The following NLRP14 variants were observed in gnomAD, a reference collection of about 807,000 sequenced individuals.
NLRP14 encodes NACHT, LRR and PYD domains-containing protein 14.
NLRP14 carries 105 observed loss-of-function variants against 94.7 expected under a neutral mutation model. The ratio of observed to expected loss-of-function variants is 1.11; its 90% CI spans 0.95 to 1.30. The LOEUF is 1.30. Among genes scored for constraint, NLRP14 ranks in the 50% most tolerant of loss-of-function variants. The probability of loss-of-function intolerance (pLI) is 0.00; values close to 1 mark genes in which losing one functional copy is unlikely to be tolerated. For missense variants in NLRP14, 1,362 were observed against 1,254.1 expected (o/e 1.09, Z -1.30); for synonymous variants, 508 against 459.9 (o/e 1.10, Z -1.34).
At chr11:7,065,021 A>G (rs557159661) in intron 10 of NLRP14, among the ~76,000 whole-genome samples, 1 of 152,044 alleles carries the variant, frequency 6.6e-6, no homozygotes. Context: ...GATACGCACT[A>G]CAGCAATTCT....
At chr11:7,074,042 C>A (rs1206482080), downstream of NLRP14, among the ~76,000 whole-genome samples, 1 of 152,134 alleles carries the variant, frequency 6.6e-6, no homozygotes, top group Non-Finnish European at 1.5e-5. Flanking sequence ...CTGAAACTAT[C>A]CAGGAGCCTC....
intron 11 of NLRP14, 51 bp from the exon 12 acceptor site, chr11:7,071,122 G>A: frequency 6.2e-7 from 1 of 1,605,322 alleles, no homozygotes; most frequent in East Asian, 2.2e-5. Context: ...GAAAGTGGAG[G>A]GCTGTAGGGA....
chr11:7,022,964 C>G (rs1851966987), intron 1 of NLRP14, among the ~76,000 whole-genome samples: 2 of 151,736 alleles, frequency 1.3e-5, no homozygotes, highest in Admixed American at 1.3e-4. Flanking sequence ...ATTATAAGGA[C>G]AGAAAGAAAG....
At chr11:7,050,547 G>A (rs1187084948) in intron 6 of NLRP14, among the ~76,000 whole-genome samples, 2 of 152,188 alleles carry the variant, frequency 1.3e-5, no homozygotes, top group African/African-American at 2.4e-5. Flanking sequence ...TGCATTAGAA[G>A]TTTTTATAAG....
intron 4 of NLRP14, among the ~76,000 whole-genome samples, chr11:7,044,194 CT>C (rs903489579): frequency 6.6e-6 from 1 of 152,014 alleles, no homozygotes; most frequent in South Asian, 2.1e-4. Context: ...CCTGAGATGG[CT>C]TTTTTTGGCC....
chr11:7,042,764 A>C lies in NLRP14; in HGVS notation c.738A>C (p.Glu246Asp). 6.2e-7 allele frequency: 1 copy of C among 1,614,218 alleles called. No homozygotes were observed. The highest frequency in any genetic ancestry group is 1.1e-5 in the South Asian group (1 of 91,086). Residue 246 changes from glutamate to aspartate, a missense_variant, in exon 4 of 12, where the codon GAA becomes GAC. Physicochemically the swap from Glu to Asp is conservative, Grantham distance 45. Transcript: ENST00000299481. Reference protein sequence around the residue: ...DWPSTEGPIEEIMYQPSSLLF... With the variant: ...DWPSTEGPIEDIMYQPSSLLF... ...CCAGCACAGAAGGCCCCATTGAAGA[A>C]ATCATGTACCAGCCAAGTAGCCTCT...
chr11:7,067,225 C>T (rs1589874551), intron 10 of NLRP14, among the ~76,000 whole-genome samples: 1 of 152,022 alleles, frequency 6.6e-6, no homozygotes, highest in African/African-American at 2.4e-5. Flanking sequence ...GTAGTTTTTT[C>T]TAATTCTGTA....
At chr11:7,025,384 C>G (rs1852000408) in intron 1 of NLRP14, among the ~76,000 whole-genome samples, 1 of 152,138 alleles carries the variant, frequency 6.6e-6, no homozygotes, top group Admixed American at 6.5e-5. Flanking sequence ...GCCTGTATCA[C>G]TCAGATGTCC....
the NLRP14 span, chr11:7,090,322 A>G: frequency 3.8e-5 from 59 of 1,568,578 alleles, no homozygotes; most frequent in Non-Finnish European, 4.8e-5. Flanking sequence ...TTGGGACCAA[A>G]AATCCCTTTT....
intron 6 of NLRP14, among the ~76,000 whole-genome samples, chr11:7,057,135 C>T (rs980650419): frequency 6.6e-6 from 1 of 152,074 alleles, no homozygotes; most frequent in Non-Finnish European, 1.5e-5. Context: ...AGTCTCTCTA[C>T]ATGTACTTTT....
chr11:7,036,772 A>G (rs1852168581), intron 1 of NLRP14, among the ~76,000 whole-genome samples: 3 of 152,254 alleles, frequency 2.0e-5, no homozygotes, highest in Admixed American at 6.5e-5. Context: ...GTGATAGAGT[A>G]TAGAAGATTG....
chr11:7,051,106 C>G (rs1265454652), intron 6 of NLRP14, among the ~76,000 whole-genome samples: 1 of 152,134 alleles, frequency 6.6e-6, no homozygotes, highest in Non-Finnish European at 1.5e-5. Flanking sequence ...TGATACAGAC[C>G]AAGTTGCCAG....
At chr11:7,039,244 G>T (rs984501819) in intron 2 of NLRP14, among the ~76,000 whole-genome samples, 6 of 152,070 alleles carry the variant, frequency 3.9e-5, no homozygotes, top group Non-Finnish European at 8.8e-5. Flanking sequence ...GAAATATGAG[G>T]AATGGGCTGA....
At chr11:7,044,128 A>G (rs2119624865) in intron 4 of NLRP14, 144 bp downstream of exon 4, 1 of 824,204 alleles carries the variant, frequency 1.2e-6, no homozygotes, top group East Asian at 2.6e-5. Context: ...GAGGCTAAGC[A>G]TTTAAACCCC....
intron 1 of NLRP14, among the ~76,000 whole-genome samples, chr11:7,027,586 G>A (rs182073372): frequency 2.2e-4 from 33 of 152,238 alleles, no homozygotes; most frequent in Middle Eastern, 3.4e-3. Flanking sequence ...GTAGTCTATA[G>A]CAGGCCTACT....
chr11:7,047,002 G>T (rs1177024270), intron 5 of NLRP14, among the ~76,000 whole-genome samples, 170 bp downstream of exon 5: 1 of 152,182 alleles, frequency 6.6e-6, no homozygotes, highest in African/African-American at 2.4e-5. Context: ...ATTACTAACT[G>T]GTTCTCAGAG....
rs1270201607 is a variant in NLRP14 at position 7,047,703 on chromosome 11, C to G, written c.2123+871C>G. On this transcript the variant is annotated intron_variant, in intron 5 of 11. Coordinates refer to ENST00000299481, the MANE Select transcript of NLRP14 (RefSeq NM_176822.4). ...GTTCAGCTTTGTATCTTTTTGGAAT[C>G]ATTTTGATTGATTTATACAGTATGT... is the stretch of plus-strand genomic sequence containing the variant. Among the ~76,000 whole-genome samples, 4 of 151,718 alleles carry G rather than the reference C, an allele frequency of 2.6e-5. No homozygotes were observed. The East Asian group carries it at 7.7e-4, about 29-fold the overall frequency.
intron 6 of NLRP14, among the ~76,000 whole-genome samples, chr11:7,053,469 T>TTA (rs36002808): frequency 0.051 from 7,421 of 146,892 alleles, 328 homozygotes; most frequent in African/African-American, 0.12. Flanking sequence ...ATGATTTAAA[T>TTA]TATATATATA....
intron 1 of NLRP14, among the ~76,000 whole-genome samples, chr11:7,035,732 C>T (rs1206732841): frequency 6.6e-6 from 1 of 152,158 alleles, no homozygotes; most frequent in African/African-American, 2.4e-5. Flanking sequence ...TCCCTTCTCC[C>T]TTTGTGTCCT....
Sources: gnomAD v4.1 joint callset for allele counts (sites outside exome capture counted in the v4.1 genomes callset) on GRCh38, gnomAD v4.1.1 for gene constraint, MANE v1.5 for transcripts, NCBI Gene and HGNC (gene_info 2026-07-23, HGNC 2026-07-21) for gene names.